MAPK14: variants seen among roughly 807,000 people sequenced by gnomAD.
MAPK14 encodes CSAID-binding protein.
In MAPK14, 16 loss-of-function variants were observed where a neutral mutation model predicts 49.6. The observed-to-expected ratio is 0.32, with a 90% CI of 0.22 to 0.49. The LOEUF (loss-of-function observed/expected upper bound fraction) is 0.49, where lower values mean the gene tolerates loss of function less well. MAPK14 is among the 20% of genes least tolerant of loss of function. The pLI is 0.99. For missense variants in MAPK14, 200 were observed against 441.2 expected, an observed-to-expected ratio of 0.45 and a Z score of 4.90; for synonymous variants, 142 against 158.0, an observed-to-expected ratio of 0.90 and a Z score of 0.76.
chr6:36,112,713 G>C (rs1765997215), downstream of MAPK14, among the ~76,000 whole-genome samples: 1 of 144,592 alleles, frequency 6.9e-6, no homozygotes, highest in Admixed American at 6.7e-5. Context: ...TTGTTAACTG[G>C]TCTGAGTCTG....
At chr6:36,065,748 C>A (rs1764029522) in intron 3 of MAPK14, among the ~76,000 whole-genome samples, 1 of 152,042 alleles carries the variant, frequency 6.6e-6, no homozygotes, top group Admixed American at 6.6e-5. Flanking sequence ...AACTCTCTCC[C>A]CCTTCCTCCC....
At position 36,109,468 on chromosome 6, in the gene MAPK14, T is replaced by A. The variant is rs1765899759; in HGVS notation, c.*1021T>A. ...GTCAGGCAGGTTTGCCAGTGAAGAC[T>A]TCTTGGGTAGTTTAGATCCCATGTC... On this transcript the variant is annotated 3_prime_UTR_variant, in exon 12 of 12. Coordinates refer to ENST00000229794, the MANE Select transcript of MAPK14 (RefSeq NM_139012.3). 6.5e-6 allele frequency: 1 copy of A among 152,702 alleles called. No individual in the cohort carries two copies. The highest frequency in any genetic ancestry group is 6.5e-5 in the Admixed American group (1 of 15,288). 9.5% of individuals were successfully genotyped at this position (152,702 alleles called of 1,614,324 possible). A position where few individuals can be genotyped will look rare whatever the true frequency, so the allele number is the denominator to read the frequency against.
rs1765871263 is a variant in MAPK14, at chr6:36,108,571, TGC to T, written c.*126_*127del. On this transcript the variant is annotated 3_prime_UTR_variant, in exon 12 of 12. Coordinates refer to ENST00000229794, the MANE Select transcript of MAPK14 (RefSeq NM_139012.3). ...ATTTCCTCCATGGTGGAAGGGGGTGTGCGTGCGTGTGCGTGCGTGTTAGTGTG... is the reference window on the plus strand; with the variant it reads ...ATTTCCTCCATGGTGGAAGGGGGTGTGTGCGTGTGCGTGCGTGTTAGTGTG... The T allele has an allele frequency of 2.9e-5, 15 of 514,808 alleles. No individual in the cohort carries two copies. In the East Asian group the frequency reaches 3.9e-4, roughly 13 times the overall value. 31.9% of individuals were successfully genotyped at this position (514,808 alleles called of 1,614,324 possible). A position where few individuals can be genotyped will look rare whatever the true frequency, so the allele number is the denominator to read the frequency against.
intron 8 of MAPK14, 121 bp from the exon 9 acceptor site, chr6:36,095,866 G>A: frequency 1.6e-6 from 1 of 639,962 alleles, no homozygotes. Context: ...GTGTTGGCTA[G>A]GTTTGGGGTG....
At chr6:36,093,755 C>T (rs1014516288) in intron 8 of MAPK14, among the ~76,000 whole-genome samples, 2 of 147,888 alleles carry the variant, frequency 1.4e-5, no homozygotes, top group African/African-American at 5.0e-5. Context: ...AACTGACTCT[C>T]ATTGTTAAGT....
intron 8 of MAPK14, among the ~76,000 whole-genome samples, chr6:36,090,734 C>T (rs1054944576): frequency 1.3e-5 from 2 of 152,060 alleles, no homozygotes; most frequent in East Asian, 1.9e-4. Flanking sequence ...GCCATGTTGG[C>T]CAGCCTGGAT....
At chr6:36,114,962 G>C (rs1398877153), downstream of MAPK14, among the ~76,000 whole-genome samples, 3 of 152,136 alleles carry the variant, frequency 2.0e-5, no homozygotes, top group East Asian at 5.8e-4. Context: ...GGGCATCGAG[G>C]CTGTCTTGTT....
In MAPK14 at chr6:36,052,614, A is replaced by C. The variant is rs530920087; in HGVS notation, c.117-85A>C. The C allele has an allele frequency of 3.8e-6, 5 of 1,306,220 alleles. No individual in the cohort carries two copies. In the African/African-American group the frequency reaches 7.5e-5, roughly 20 times the overall value. 80.9% of individuals were successfully genotyped at this position (1,306,220 alleles called of 1,614,324 possible). A position where few individuals can be genotyped will look rare whatever the true frequency, so the allele number is the denominator to read the frequency against. On this transcript the variant is annotated intron_variant, in intron 1 of 11. Coordinates refer to ENST00000229794, the MANE Select transcript of MAPK14 (RefSeq NM_139012.3). ...TTTGGTATTTTGTTATAGACCCTTTAATTTGGAAATAGCCTTATAAATACC... is the reference window on the plus strand; with the variant it reads ...TTTGGTATTTTGTTATAGACCCTTTCATTTGGAAATAGCCTTATAAATACC...
At chr6:36,035,784 G>A (rs1762724708) in intron 1 of MAPK14, among the ~76,000 whole-genome samples, 1 of 152,224 alleles carries the variant, frequency 6.6e-6, no homozygotes, top group African/African-American at 2.4e-5. Context: ...ATGCCCTTAA[G>A]TCAAAGCCTA....
At chr6:36,063,089 T>C (rs1193914949) in intron 3 of MAPK14, among the ~76,000 whole-genome samples, 1 of 152,208 alleles carries the variant, frequency 6.6e-6, no homozygotes, top group African/African-American at 2.4e-5. Context: ...TTAGGTGATT[T>C]TGTCATTGTG....
chr6:36,108,464 C>T lies in MAPK14; in HGVS notation c.*17C>T. 1 of 1,603,476 alleles carries T rather than the reference C, an allele frequency of 6.2e-7. No individual in the cohort carries two copies. The highest frequency in any genetic ancestry group is 1.1e-5 in the South Asian group (1 of 90,876). ...GAGTCCTGAGCACCTGGTTTCTGTTCTGTTGATCCCACTTCACTGTGAGGG... is the reference window on the plus strand; with the variant it reads ...GAGTCCTGAGCACCTGGTTTCTGTTTTGTTGATCCCACTTCACTGTGAGGG... On this transcript the variant is annotated 3_prime_UTR_variant, in exon 12 of 12. Transcript: ENST00000229794.
At chr6:36,099,821 T>A (rs956330945) in intron 9 of MAPK14, among the ~76,000 whole-genome samples, 1 of 152,232 alleles carries the variant, frequency 6.6e-6, no homozygotes, top group Non-Finnish European at 1.5e-5. Context: ...ATTTTTGGAA[T>A]CATCTATATT....
At chr6:36,106,605 A>G (rs557511889) in intron 10 of MAPK14, among the ~76,000 whole-genome samples, 11 of 152,304 alleles carry the variant, frequency 7.2e-5, no homozygotes, top group Non-Finnish European at 1.3e-4. Context: ...ATATTTGGGG[A>G]GGGTAAAGTG....
chr6:36,085,964 C>T (rs1416193169), intron 8 of MAPK14, among the ~76,000 whole-genome samples: 1 of 152,154 alleles, frequency 6.6e-6, no homozygotes, highest in Non-Finnish European at 1.5e-5. Context: ...CAGCCTCTCA[C>T]ACCACAGCAC....
In MAPK14 at chr6:36,107,104, A is replaced by T. The variant is rs1221935178; in HGVS notation, c.842-351A>T. Among the ~76,000 whole-genome samples, 1 of 152,198 alleles carries T rather than the reference A, an allele frequency of 6.6e-6. No homozygotes were observed. Among genetic ancestry groups the T allele is most frequent in the Non-Finnish European group, 1.5e-5 (1 of 68,038 alleles). On this transcript the variant is annotated intron_variant, in intron 10 of 11. Transcript: ENST00000229794. The surrounding 1 kb of genome is among the most constrained non-coding windows in gnomAD (Gnocchi z 4.3). ...AAATACAAAATACAGGAGGAGGGTG[A>T]GGGTTGAGAGATAACCTATCGGGTA...
intron 8 of MAPK14, among the ~76,000 whole-genome samples, chr6:36,086,133 T>A (rs947297184): frequency 1.3e-5 from 2 of 152,088 alleles, no homozygotes; most frequent in Non-Finnish European, 2.9e-5. Context: ...CATACCAGAA[T>A]CTCTGGGACA....
chr6:36,079,578 C>T (rs960081696), intron 8 of MAPK14, among the ~76,000 whole-genome samples: 21 of 152,176 alleles, frequency 1.4e-4, no homozygotes, highest in Non-Finnish European at 1.0e-4. Flanking sequence ...AGCCCTGGGC[C>T]ACGTGCAGCC....
At chr6:36,047,302 G>C (rs968798619) in intron 1 of MAPK14, among the ~76,000 whole-genome samples, 34 of 152,242 alleles carry the variant, frequency 2.2e-4, no homozygotes, top group African/African-American at 7.0e-4. Flanking sequence ...GGGGTGGGAT[G>C]GGGGCGGAGG....
intron 6 of MAPK14, among the ~76,000 whole-genome samples, chr6:36,075,491 A>G (rs1764494686): frequency 6.6e-6 from 1 of 152,152 alleles, no homozygotes; most frequent in Non-Finnish European, 1.5e-5. Flanking sequence ...TTTTATGAAC[A>G]TAACAGAATT....
Sources: gnomAD v4.1 joint callset for allele counts (sites outside exome capture counted in the v4.1 genomes callset) on GRCh38, gnomAD v4.1.1 for gene constraint, Gnocchi (gnomAD v3.1) non-coding constraint, MANE v1.5 for transcripts, NCBI Gene and HGNC (gene_info 2026-07-23, HGNC 2026-07-21) for gene names.